The following VAV3 variants were observed in gnomAD, a reference collection of about 807,000 sequenced individuals.
VAV3 encodes the protein vav guanine nucleotide exchange factor 3, also known as guanine nucleotide exchange factor VAV3.
In VAV3, 94 loss-of-function variants were observed where a neutral mutation model predicts 131.2. The observed-to-expected ratio is 0.72, with a 90% CI of 0.61 to 0.85. The LOEUF is 0.85. Among genes scored for constraint, VAV3 ranks in the 40% least tolerant of loss-of-function variants. The probability of loss-of-function intolerance (pLI) is 0.00; values close to 1 mark genes in which losing one functional copy is unlikely to be tolerated. For synonymous variants in VAV3, 349 were observed against 342.0 expected (o/e 1.02, Z -0.22); for missense variants, 939 against 1,002.7 (o/e 0.94, Z 0.86).
intron 2 of VAV3, among the ~76,000 whole-genome samples, chr1:107,851,876 T>A (rs1669248468): frequency 6.6e-6 from 1 of 152,212 alleles, no homozygotes; most frequent in Admixed American, 6.5e-5. Context: ...GATGCTATTT[T>A]ACGAGTTTGC....
Position 107,663,885 on chromosome 1 carries a change from A to G in VAV3, c.1777+19603T>C, listed in dbSNP as rs189646968. Among the ~76,000 whole-genome samples the G allele has an allele frequency of 1.9e-4, 29 of 152,284 alleles. No homozygotes were observed. The East Asian group carries it at 5.6e-3, about 29-fold the overall frequency. On this transcript the variant is annotated intron_variant, in intron 19 of 26. Transcript: ENST00000370056. ...TTATCAAAATATCACTTTATAAGAC[A>G]TGTCTGTGTTCTATGATGCTGTGGG...
intron 23 of VAV3, 133 bp from the exon 24 acceptor site, chr1:107,602,617 A>G: frequency 1.6e-6 from 1 of 623,708 alleles, no homozygotes; most frequent in Non-Finnish European, 2.6e-6. Flanking sequence ...ATGCCAATAC[A>G]CTGGTGACAG....
At chr1:107,957,771 G>A (rs1190455378) in intron 1 of VAV3, among the ~76,000 whole-genome samples, 2 of 151,540 alleles carry the variant, frequency 1.3e-5, no homozygotes, top group African/African-American at 4.9e-5. Context: ...CAGGGGATTC[G>A]AGAAAAATAA....
intron 1 of VAV3, among the ~76,000 whole-genome samples, chr1:107,893,264 T>C (rs957088466): frequency 2.6e-5 from 4 of 152,320 alleles, no homozygotes; most frequent in African/African-American, 7.2e-5. Context: ...GACTCAATTT[T>C]AAACATTTGC....
intron 2 of VAV3, among the ~76,000 whole-genome samples, chr1:107,829,361 A>C (rs1381472758): frequency 6.6e-6 from 1 of 152,188 alleles, no homozygotes; most frequent in Non-Finnish European, 1.5e-5. Context: ...TCCTAGCTGC[A>C]TTCTGTCAGC....
intron 1 of VAV3, among the ~76,000 whole-genome samples, chr1:107,949,920 G>C (rs1181175860): frequency 6.6e-6 from 1 of 152,092 alleles, no homozygotes; most frequent in Non-Finnish European, 1.5e-5. Flanking sequence ...TTTTCTATCA[G>C]GTATTGCCTA....
intron 2 of VAV3, among the ~76,000 whole-genome samples, chr1:107,840,931 A>G (rs1668676717): frequency 6.6e-6 from 1 of 152,118 alleles, no homozygotes; most frequent in African/African-American, 2.4e-5. Context: ...TAAAAAAAAA[A>G]AAAATTCATC....
At chr1:107,618,273 T>C (rs532879531) in intron 20 of VAV3, among the ~76,000 whole-genome samples, 70 of 152,300 alleles carry the variant, frequency 4.6e-4, no homozygotes, top group Non-Finnish European at 6.8e-4. Flanking sequence ...TTTATATTCA[T>C]TGGCATAAGC....
At chr1:107,904,745 G>A (rs1008595856) in intron 1 of VAV3, among the ~76,000 whole-genome samples, 7 of 152,156 alleles carry the variant, frequency 4.6e-5, no homozygotes, top group African/African-American at 1.4e-4. Context: ...ATGCATAGAA[G>A]AAAAATTTCT....
chr1:107,682,856 T>A (rs1405716599), intron 19 of VAV3, among the ~76,000 whole-genome samples: 1 of 152,148 alleles, frequency 6.6e-6, no homozygotes, highest in Non-Finnish European at 1.5e-5. Context: ...ATCACATACA[T>A]AAAAAATCTT....
At chr1:107,723,609 T>C (rs1405436502) in intron 15 of VAV3, among the ~76,000 whole-genome samples, 2 of 152,184 alleles carry the variant, frequency 1.3e-5, no homozygotes, top group East Asian at 3.9e-4. Context: ...ACAAAACAAC[T>C]TCATGGATGA....
chr1:107,674,969 T>C (rs1214002810), intron 19 of VAV3, among the ~76,000 whole-genome samples: 1 of 152,164 alleles, frequency 6.6e-6, no homozygotes, highest in Admixed American at 6.5e-5. Context: ...GGCCCTCAGT[T>C]CACAGTCCAA....
chr1:107,742,551 A>G (rs1663086917), intron 15 of VAV3, among the ~76,000 whole-genome samples: 1 of 152,192 alleles, frequency 6.6e-6, no homozygotes, highest in African/African-American at 2.4e-5. Flanking sequence ...CTGCATCTCA[A>G]AAGGCCTTTT....
rs1376421557 is a variant in VAV3, at chr1:107,704,761, C to A, written c.1605-111G>T. ...TCAACAGTGCTCTTCAAGGTACCCC[C>A]TTGGTAGAGGGAGACGAGCTTGCCA... On this transcript the variant is annotated intron_variant, in intron 16 of 26. Transcript: ENST00000370056. 2.9e-6 allele frequency: 3 copies of A among 1,028,762 alleles called. No individual in the cohort carries two copies. The African/African-American group carries it at 4.8e-5, about 17-fold the overall frequency. The allele number at this position is 1,028,762 out of a possible 1,614,324, so 63.7% of individuals were successfully genotyped here. A position where few individuals can be genotyped will look rare whatever the true frequency, so the allele number is the denominator to read the frequency against.
chr1:107,593,724 G>T (rs1294242176), intron 25 of VAV3, among the ~76,000 whole-genome samples: 1 of 152,006 alleles, frequency 6.6e-6, no homozygotes, highest in Admixed American at 6.6e-5. Flanking sequence ...TTCTTTAAGG[G>T]TGAGCTTTTA....
In VAV3 at chr1:107,932,369, G is replaced by C. The variant is rs1397656645; in HGVS notation, c.204+32297C>G. 2.6e-5 allele frequency among the ~76,000 whole-genome samples: 4 copies of C among 152,188 alleles called. No homozygotes were observed. In the East Asian group the frequency reaches 7.7e-4, roughly 29 times the overall value. ...AAACTGGCAGAAGTCCTCTGCCCAG[G>C]AGTGAGTGACATTAGTTTGCATGAA... is the stretch of plus-strand genomic sequence containing the variant. On this transcript the variant is annotated intron_variant, in intron 1 of 26. Coordinates refer to ENST00000370056, the MANE Select transcript of VAV3 (RefSeq NM_006113.5).
intron 20 of VAV3, among the ~76,000 whole-genome samples, chr1:107,624,693 A>G (rs921389065): frequency 6.6e-6 from 1 of 152,226 alleles, no homozygotes; most frequent in African/African-American, 2.4e-5. Flanking sequence ...AAATATTCTG[A>G]GTCATAGCAC....
intron 2 of VAV3, among the ~76,000 whole-genome samples, chr1:107,838,138 G>A (rs1396156429): frequency 2.0e-5 from 3 of 152,056 alleles, no homozygotes; most frequent in Admixed American, 6.5e-5. Flanking sequence ...CTATGCATCC[G>A]ACAAAGTTCT....
chr1:107,747,526 CTTGT>C (rs981655446), intron 15 of VAV3, among the ~76,000 whole-genome samples: 5 of 152,074 alleles, frequency 3.3e-5, no homozygotes, highest in African/African-American at 9.7e-5. Context: ...TTTTATAAGT[CTTGT>C]AAGTATACTA....
Sources: gnomAD v4.1 joint callset for allele counts (sites outside exome capture counted in the v4.1 genomes callset) on GRCh38, gnomAD v4.1.1 for gene constraint, MANE v1.5 for transcripts, NCBI Gene and HGNC (gene_info 2026-07-23, HGNC 2026-07-21) for gene names.